Variants in CDH13 observed in about 807,000 individuals in gnomAD.
The protein encoded by CDH13 is cadherin-13.
CDH13 carries 24 observed loss-of-function variants against 63.8 expected under a neutral mutation model. The observed-to-expected ratio is 0.38, with a 90% CI of 0.27 to 0.53. The LOEUF (loss-of-function observed/expected upper bound fraction) is 0.53. Ranked by LOEUF, CDH13 falls within the 20% of genes least tolerant of loss-of-function variation. The pLI is 0.85. For missense variants in CDH13, 1,049 were observed against 903.1 expected, an observed-to-expected ratio of 1.16 and a Z score of -2.07; for synonymous variants, 503 against 355.3, an observed-to-expected ratio of 1.42 and a Z score of -4.67.
At chr16:83,026,421 C>A (rs555420591) in intron 2 of CDH13, among the ~76,000 whole-genome samples, 1 of 152,084 alleles carries the variant, frequency 6.6e-6, no homozygotes, top group Non-Finnish European at 1.5e-5. Flanking sequence ...TAATATGATG[C>A]TTATATATTT....
intron 1 of CDH13, among the ~76,000 whole-genome samples, chr16:82,822,911 G>A (rs751233289): frequency 6.6e-6 from 1 of 152,150 alleles, no homozygotes; most frequent in African/African-American, 2.4e-5. Flanking sequence ...GTTTCTGATG[G>A]GCTTGCAGTC....
chr16:83,577,454 C>A (rs890689192), intron 7 of CDH13, among the ~76,000 whole-genome samples: 1 of 152,236 alleles, frequency 6.6e-6, no homozygotes. Flanking sequence ...TATAAATGCT[C>A]AGACCTGCAC....
At chr16:83,489,817 A>G (rs73603862) in intron 7 of CDH13, among the ~76,000 whole-genome samples, 1,872 of 152,260 alleles carry the variant, frequency 0.012, 30 homozygotes, top group African/African-American at 0.043. Flanking sequence ...TTTAATACAG[A>G]CTTTTGCAGC....
At chr16:82,753,318 T>C (rs1053204641) in intron 1 of CDH13, among the ~76,000 whole-genome samples, 12 of 152,336 alleles carry the variant, frequency 7.9e-5, no homozygotes, top group South Asian at 6.2e-4. Flanking sequence ...AAAAACAATA[T>C]GCATATCTGT....
At chr16:83,544,490 C>G (rs764893900) in intron 7 of CDH13, among the ~76,000 whole-genome samples, 4 of 152,124 alleles carry the variant, frequency 2.6e-5, no homozygotes, top group Non-Finnish European at 5.9e-5. Context: ...ACCTTAAACA[C>G]ACTGAGAACA....
chr16:82,790,213 G>T (rs972896405), intron 1 of CDH13, among the ~76,000 whole-genome samples: 8 of 152,126 alleles, frequency 5.3e-5, no homozygotes, highest in Non-Finnish European at 2.9e-5. Flanking sequence ...GAGGCAGGCA[G>T]ATCATGAGGT....
chr16:82,932,240 C>G (rs558910324), intron 2 of CDH13, among the ~76,000 whole-genome samples: 1 of 152,124 alleles, frequency 6.6e-6, no homozygotes, highest in African/African-American at 2.4e-5. Flanking sequence ...CCAACATTGA[C>G]ACACACTTAT....
At chr16:82,994,981 A>C (rs747123230) in intron 2 of CDH13, among the ~76,000 whole-genome samples, 10 of 152,190 alleles carry the variant, frequency 6.6e-5, no homozygotes, top group African/African-American at 9.6e-5. Flanking sequence ...TAATTATACT[A>C]TTGATCCTGT....
At chr16:82,756,704 G>C (rs532729096) in intron 1 of CDH13, among the ~76,000 whole-genome samples, 1 of 152,220 alleles carries the variant, frequency 6.6e-6, no homozygotes, top group African/African-American at 2.4e-5. Flanking sequence ...TTCCTTCCCT[G>C]AGGAGGAAAC....
At chr16:83,551,694 T>G (rs542833008) in intron 7 of CDH13, among the ~76,000 whole-genome samples, 79 of 152,302 alleles carry the variant, frequency 5.2e-4, no homozygotes, top group African/African-American at 1.7e-3. Context: ...TTTTTCTGAT[T>G]CTTGTCCTCC....
chr16:83,246,895 G>T (rs1278521088), intron 5 of CDH13, among the ~76,000 whole-genome samples: 1 of 152,158 alleles, frequency 6.6e-6, no homozygotes, highest in Non-Finnish European at 1.5e-5. Flanking sequence ...GTTCCTGCAT[G>T]CTAAAATGCC....
At chr16:82,937,159 G>T (rs772271206) in intron 2 of CDH13, among the ~76,000 whole-genome samples, 1 of 152,100 alleles carries the variant, frequency 6.6e-6, no homozygotes, top group Non-Finnish European at 1.5e-5. Flanking sequence ...TGATAGGGTG[G>T]TCACGCTACT....
chr16:83,655,453 C>T (rs147984812), intron 8 of CDH13, among the ~76,000 whole-genome samples: 32 of 152,220 alleles, frequency 2.1e-4, no homozygotes, highest in African/African-American at 7.2e-4. Flanking sequence ...AGCAGAGGCC[C>T]GAATGGCAAG....
intron 7 of CDH13, among the ~76,000 whole-genome samples, chr16:83,500,099 G>A (rs4389132): frequency 0.21 from 32,420 of 151,364 alleles, 3,566 homozygotes; most frequent in Middle Eastern, 0.3. Flanking sequence ...CACTGCACCC[G>A]GCCCAATTCT....
rs1383205772 is a variant in CDH13, at chr16:83,301,204, TG to T, written c.637-43657del. On this transcript the variant is annotated intron_variant, in intron 5 of 13. Transcript: ENST00000567109. ...CCACCACCACGCCCGGCTAATTTTT[TG>T]TATTTTTAGTAGAGATGGGGTTTCA... 4.0e-5 allele frequency among the ~76,000 whole-genome samples: 6 copies of T among 151,756 alleles called. No homozygotes were observed. In the East Asian group the frequency reaches 1.2e-3, roughly 30 times the overall value.
chr16:83,738,853 C>T (rs1911787573), intron 10 of CDH13, among the ~76,000 whole-genome samples: 1 of 152,172 alleles, frequency 6.6e-6, no homozygotes, highest in African/African-American at 2.4e-5. Context: ...TTGCGGTGAG[C>T]CCAGATTGCA....
At chr16:83,096,693 T>C (rs2034214280) in intron 3 of CDH13, among the ~76,000 whole-genome samples, 1 of 152,196 alleles carries the variant, frequency 6.6e-6, no homozygotes, top group Non-Finnish European at 1.5e-5. Context: ...AGTGCAATTA[T>C]ATGTTGGGAG....
Position 83,184,882 on chromosome 16 carries a change from CGTGT to C in CDH13, c.484-32441_484-32438del, listed in dbSNP as rs71272419. ...CATTTAGTGTTTGTGATGTCTAAGC[CGTGT>C]GTGTGTGTGTGTGTGTGTGTGCGTG... On this transcript the variant is annotated intron_variant, in intron 4 of 13. Transcript: ENST00000567109. 4.8e-4 allele frequency among the ~76,000 whole-genome samples: 70 copies of C among 145,382 alleles called. No homozygotes were observed. The East Asian group carries it at 7.2e-3, about 15-fold the overall frequency.
intron 4 of CDH13, among the ~76,000 whole-genome samples, chr16:83,209,568 G>C (rs1053778678): frequency 9.2e-5 from 14 of 152,330 alleles, no homozygotes; most frequent in African/African-American, 3.4e-4. Flanking sequence ...TTTTTAATTT[G>C]TGAGTTTATG....
Sources: allele counts gnomAD v4.1 joint callset (sites outside exome capture counted in the v4.1 genomes callset), GRCh38; gene constraint gnomAD v4.1.1; transcripts MANE v1.5; gene names NCBI Gene and HGNC (gene_info 2026-07-23, HGNC 2026-07-21).